Variants in KLHDC10 observed in about 807,000 individuals in gnomAD.
The protein encoded by KLHDC10 is kelch domain-containing protein 10.
KLHDC10 carries 24 observed loss-of-function variants against 56.1 expected under a neutral mutation model. The ratio of observed to expected loss-of-function variants is 0.43; its 90% confidence interval spans 0.31 to 0.60. The LOEUF (loss-of-function observed/expected upper bound fraction) is 0.60, where lower values mean the gene tolerates loss of function less well. Ranked by LOEUF, KLHDC10 falls within the 20% of genes least tolerant of loss-of-function variation. The pLI is 0.11. For synonymous variants in KLHDC10, 188 were observed against 207.1 expected (o/e 0.91, Z 0.79); for missense variants, 349 against 567.0 (o/e 0.62, Z 3.91).
At chr7:130,124,254 AC>A (rs1796286083) in intron 5 of KLHDC10, among the ~76,000 whole-genome samples, 196 bp from the exon 6 acceptor site, 1 of 152,072 alleles carries the variant, frequency 6.6e-6, no homozygotes, top group South Asian at 2.1e-4. Flanking sequence ...TCTGGTGCCT[AC>A]TCTGTTACTG....
chr7:130,084,329 G>C (rs1277604734), intron 1 of KLHDC10, among the ~76,000 whole-genome samples: 1 of 152,230 alleles, frequency 6.6e-6, no homozygotes, highest in Non-Finnish European at 1.5e-5. Context: ...AGGTCATTTA[G>C]AAGACTATAG....
At chr7:130,090,875 G>T (rs1274731874) in intron 1 of KLHDC10, among the ~76,000 whole-genome samples, 1 of 151,816 alleles carries the variant, frequency 6.6e-6, no homozygotes, top group Non-Finnish European at 1.5e-5. Context: ...CCATCACAAG[G>T]TTCCCTGGTG....
chr7:130,122,001 T>C, intron 4 of KLHDC10, 53 bp from the exon 5 acceptor site: 1 of 1,536,124 alleles, frequency 6.5e-7, no homozygotes, highest in Middle Eastern at 1.7e-4. Flanking sequence ...AAGTTTACAT[T>C]CTTTAATCAA....
intron 2 of KLHDC10, among the ~76,000 whole-genome samples, chr7:130,103,158 G>A (rs916260542): frequency 6.6e-6 from 1 of 152,148 alleles, no homozygotes; most frequent in South Asian, 2.1e-4. Flanking sequence ...AGGCACGGTG[G>A]CTCACACCTG....
At chr7:130,101,027 G>A (rs79867258) in intron 2 of KLHDC10, among the ~76,000 whole-genome samples, 5,274 of 151,266 alleles carry the variant, frequency 0.035, 309 homozygotes, top group African/African-American at 0.12. Flanking sequence ...AAACAGAAAA[G>A]GGAGACTTTG....
chr7:130,103,885 T>G (rs1043913672), intron 2 of KLHDC10, among the ~76,000 whole-genome samples: 7 of 152,094 alleles, frequency 4.6e-5, no homozygotes, highest in African/African-American at 1.7e-4. Flanking sequence ...GTCAGGAGTT[T>G]GAGACCAGTC....
At chr7:130,096,396 T>A (rs1156751311) in intron 1 of KLHDC10, among the ~76,000 whole-genome samples, 4 of 152,120 alleles carry the variant, frequency 2.6e-5, no homozygotes, top group African/African-American at 9.7e-5. Context: ...ATATTAAATG[T>A]TTGTTTAATT....
At chr7:130,118,980 G>A (rs993530170) in intron 3 of KLHDC10, among the ~76,000 whole-genome samples, 1 of 151,972 alleles carries the variant, frequency 6.6e-6, no homozygotes, top group African/African-American at 2.4e-5. Flanking sequence ...AGGAGGCCAA[G>A]GAGGGAGGAT....
rs962763553 is a variant in KLHDC10 at position 130,135,636 on chromosome 7, T to A, written c.*4890T>A. The stretch of plus-strand genomic sequence containing the variant: ...TACCCTAAAATGTCCAATCTGTATT[T>A]ATGTACCTTGTCAGTGTTTTGCTGT... On this transcript the variant is annotated 3_prime_UTR_variant, in exon 10 of 10. Transcript: ENST00000335420. 6 of 154,426 alleles carry A rather than the reference T, an allele frequency of 3.9e-5. No homozygotes were observed. The highest frequency in any genetic ancestry group is 1.4e-4 in the African/African-American group (6 of 41,538). The allele number at this position is 154,426 out of a possible 1,614,324, so 9.6% of individuals were successfully genotyped here.
In KLHDC10 at chr7:130,131,002, G is replaced by A. The variant is rs1584643356; in HGVS notation, c.*256G>A. ...ACTCACATACTCCCTCTTCCTTCTC[G>A]ATGGAGTTAAGGGAAAGCCTGAAAG... is the stretch of plus-strand genomic sequence containing the variant. On this transcript the variant is annotated 3_prime_UTR_variant, in exon 10 of 10. Coordinates refer to ENST00000335420, the MANE Select transcript of KLHDC10 (RefSeq NM_014997.4). The A allele has an allele frequency of 4.8e-6, 2 of 413,086 alleles. No individual in the cohort carries two copies. The highest frequency in any genetic ancestry group is 4.4e-6 in the Non-Finnish European group (1 of 226,044). 25.6% of individuals were successfully genotyped at this position (413,086 alleles called of 1,614,324 possible).
chr7:130,089,009 C>G (rs1795732838), intron 1 of KLHDC10, among the ~76,000 whole-genome samples: 1 of 151,970 alleles, frequency 6.6e-6, no homozygotes, highest in Non-Finnish European at 1.5e-5. Context: ...AAAACAATCT[C>G]TGGCTATAGT....
intron 2 of KLHDC10, among the ~76,000 whole-genome samples, chr7:130,108,718 T>C (rs929363914): frequency 7.3e-6 from 1 of 137,366 alleles, no homozygotes; most frequent in African/African-American, 2.7e-5. Context: ...CGAGACCCCA[T>C]CTCAAACAAA....
chr7:130,122,369 GTTC>G (rs1356976775), intron 5 of KLHDC10, among the ~76,000 whole-genome samples, 167 bp downstream of exon 5: 2 of 150,762 alleles, frequency 1.3e-5, no homozygotes, highest in East Asian at 3.9e-4. Flanking sequence ...AGTAAAAAAA[GTTC>G]TTCTGGTGAG....
Position 130,122,172 on chromosome 7 carries a change from A to G in KLHDC10, c.749A>G (p.Asn250Ser). ...NTREWTQLKP[N>S]NLSCDLPEER... is the part of the protein sequence containing the mutation. ...AGAGAGTGGACACAACTGAAACCAA[A>G]CAACCTATCCTGTGATCTACCAGAA... The change falls in exon 5 of 10, where the codon AAC (asparagine) becomes AGC (serine). Residue 250 changes from asparagine (N) to serine (S), a missense_variant. This residue lies in a region of KLHDC10 where 245 missense variants were observed against 470.1 expected (regional missense o/e 0.52). Transcript: ENST00000335420. 6.2e-7 allele frequency: 1 copy of G among 1,614,022 alleles called. No individual in the cohort carries two copies. The highest frequency in any genetic ancestry group is 1.3e-5 in the African/African-American group (1 of 75,036).
intron 2 of KLHDC10, among the ~76,000 whole-genome samples, chr7:130,105,527 C>T (rs1367913472): frequency 6.6e-6 from 1 of 152,082 alleles, no homozygotes; most frequent in Non-Finnish European, 1.5e-5. Flanking sequence ...TATTATTCTA[C>T]ATATATTATT....
chr7:130,076,519 C>T (rs1341398991), intron 1 of KLHDC10, among the ~76,000 whole-genome samples: 1 of 152,058 alleles, frequency 6.6e-6, no homozygotes, highest in Admixed American at 6.6e-5. Context: ...ATAAGAAAGG[C>T]CTTTCCTATT....
rs1333671812 is a variant in KLHDC10, at chr7:130,131,444, C to CTTA, written c.*699_*701dup. 2 of 152,258 alleles carry CTTA rather than the reference C, an allele frequency of 1.3e-5. No homozygotes were observed. Among genetic ancestry groups the CTTA allele is most frequent in the Non-Finnish European group, 2.9e-5 (2 of 68,068 alleles). 9.4% of individuals were successfully genotyped at this position (152,258 alleles called of 1,614,324 possible). On this transcript the variant is annotated 3_prime_UTR_variant, in exon 10 of 10. Coordinates refer to ENST00000335420, the MANE Select transcript of KLHDC10 (RefSeq NM_014997.4). ...TGGTTAGAGTTGGTTTGTCAAAAGA[C>CTTA]TTACGTGTGTGTCGTGGTCGTGCTC... is the stretch of plus-strand genomic sequence containing the variant.
intron 3 of KLHDC10, among the ~76,000 whole-genome samples, chr7:130,119,426 C>G (rs895858443): frequency 1.3e-5 from 2 of 151,210 alleles, no homozygotes; most frequent in African/African-American, 2.4e-5. Flanking sequence ...GCAGGAGGAT[C>G]ACTTGAGTCC....
intron 1 of KLHDC10, among the ~76,000 whole-genome samples, chr7:130,072,747 AATTTATTTATTT>A (rs77300024): frequency 6.7e-5 from 10 of 148,390 alleles, no homozygotes; most frequent in Admixed American, 5.4e-4. Flanking sequence ...TTTTATTTTA[AATTTATTTATTT>A]ATTTATTTAT....
Sources: allele counts gnomAD v4.1 joint callset (sites outside exome capture counted in the v4.1 genomes callset), GRCh38; gene constraint gnomAD v4.1.1; regional missense constraint gnomAD v4.1.1; transcripts MANE v1.5; gene names NCBI Gene and HGNC (gene_info 2026-07-23, HGNC 2026-07-21).